SORCS1: variants seen among roughly 807,000 people sequenced by gnomAD.
The protein encoded by SORCS1 is VPS10 domain-containing receptor SorCS1.
In SORCS1, 60 loss-of-function variants were observed where a neutral mutation model predicts 146.1. That is an observed-to-expected ratio of 0.41 (90% CI 0.33 to 0.51). SORCS1 has a LOEUF of 0.51. Ranked by LOEUF, SORCS1 falls within the 20% of genes least tolerant of loss-of-function variation. SORCS1 has a pLI of 0.21. For synonymous variants in SORCS1, 637 were observed against 584.0 expected, an observed-to-expected ratio of 1.09 and a Z score of -1.31; for missense variants, 1,352 against 1,487.6, an observed-to-expected ratio of 0.91 and a Z score of 1.50.
At chr10:106,884,718 C>T (rs574439366) in intron 2 of SORCS1, among the ~76,000 whole-genome samples, 106 of 152,302 alleles carry the variant, frequency 7.0e-4, no homozygotes, top group Non-Finnish European at 1.1e-3. Context: ...ATTAGGAAAA[C>T]TGCCACCCTG....
intron 6 of SORCS1, among the ~76,000 whole-genome samples, 179 bp downstream of exon 6, chr10:106,729,871 C>T (rs1046975564): frequency 6.6e-6 from 1 of 152,124 alleles, no homozygotes; most frequent in Non-Finnish European, 1.5e-5. Context: ...CAGAAGATAC[C>T]TGCACTTTAC....
At chr10:106,945,154 C>T (rs574792194) in intron 2 of SORCS1, among the ~76,000 whole-genome samples, 2 of 152,052 alleles carry the variant, frequency 1.3e-5, no homozygotes, top group East Asian at 3.9e-4. Flanking sequence ...TCCCAAAGTG[C>T]TGGGATTACA....
At chr10:106,605,759 C>A (rs1382173013) in intron 23 of SORCS1, among the ~76,000 whole-genome samples, 1 of 152,142 alleles carries the variant, frequency 6.6e-6, no homozygotes, top group African/African-American at 2.4e-5. Flanking sequence ...TTCAACAGGG[C>A]TTTCCATGAG....
chr10:106,618,072 G>C, intron 21 of SORCS1, 77 bp downstream of exon 21: 1 of 1,575,262 alleles, frequency 6.3e-7, no homozygotes, highest in Admixed American at 1.7e-5. Context: ...GCTGGGGGAT[G>C]GTCTCTGGCA....
chr10:106,965,837 AC>A (rs1423223938), intron 1 of SORCS1, among the ~76,000 whole-genome samples: 2 of 152,214 alleles, frequency 1.3e-5, no homozygotes, highest in Non-Finnish European at 2.9e-5. Context: ...CAGACATGGT[AC>A]TAGTCACAAA....
chr10:106,980,554 T>G (rs550250064), intron 1 of SORCS1, among the ~76,000 whole-genome samples: 1 of 152,206 alleles, frequency 6.6e-6, no homozygotes, highest in East Asian at 1.9e-4. Flanking sequence ...ATTAGGTGAC[T>G]GCAAATCAAT....
intron 1 of SORCS1, among the ~76,000 whole-genome samples, chr10:107,153,451 T>C (rs1189495442): frequency 3.3e-5 from 5 of 152,158 alleles, no homozygotes; most frequent in African/African-American, 1.2e-4. Context: ...CATATATTGT[T>C]TAACTGGGTG....
chr10:106,755,383 G>A (rs113472327), intron 5 of SORCS1, among the ~76,000 whole-genome samples: 71 of 152,288 alleles, frequency 4.7e-4, no homozygotes, highest in African/African-American at 1.7e-3. Context: ...TGTTTCATCA[G>A]AATGGGGATA....
At chr10:106,644,377 T>G (rs1172074921) in intron 18 of SORCS1, among the ~76,000 whole-genome samples, 2 of 151,940 alleles carry the variant, frequency 1.3e-5, no homozygotes, top group South Asian at 2.1e-4. Context: ...TAATTATTAT[T>G]ATTATTGAGA....
At chr10:106,598,119 T>C (rs1177948771) in intron 23 of SORCS1, among the ~76,000 whole-genome samples, 1 of 152,050 alleles carries the variant, frequency 6.6e-6, no homozygotes, top group East Asian at 1.9e-4. Flanking sequence ...AGGTAAGGTT[T>C]TATGGATGAG....
At chr10:106,911,392 C>G (rs1952144402) in intron 2 of SORCS1, among the ~76,000 whole-genome samples, 1 of 152,190 alleles carries the variant, frequency 6.6e-6, no homozygotes, top group South Asian at 2.1e-4. Context: ...CTAACACCAC[C>G]CTCGTGTCCA....
At chr10:106,640,430 T>C (rs1377666591) in intron 18 of SORCS1, among the ~76,000 whole-genome samples, 2 of 152,232 alleles carry the variant, frequency 1.3e-5, no homozygotes, top group Non-Finnish European at 2.9e-5. Context: ...GACAATGAGA[T>C]ACAGATCAAA....
intron 1 of SORCS1, among the ~76,000 whole-genome samples, chr10:107,110,411 C>T (rs185915245): frequency 7.8e-4 from 119 of 152,164 alleles, no homozygotes; most frequent in African/African-American, 2.5e-3. Context: ...GCCCAGCTTC[C>T]GGTGAAGCCT....
At chr10:106,773,728 T>C (rs552710623) in intron 4 of SORCS1, among the ~76,000 whole-genome samples, 19 of 152,152 alleles carry the variant, frequency 1.2e-4, no homozygotes, top group African/African-American at 4.6e-4. Flanking sequence ...GGTGGGTGGA[T>C]CACAAGGTCA....
chr10:106,951,516 A>G (rs954278574), intron 2 of SORCS1, among the ~76,000 whole-genome samples: 4 of 151,538 alleles, frequency 2.6e-5, no homozygotes, highest in Admixed American at 6.6e-5. Context: ...CGTCTCTGAA[A>G]AAAAAAAAAA....
intron 1 of SORCS1, among the ~76,000 whole-genome samples, chr10:107,118,612 A>T (rs1590178797): frequency 6.6e-6 from 1 of 152,346 alleles, no homozygotes; most frequent in Admixed American, 6.5e-5. Flanking sequence ...AAGGATAAAC[A>T]GACCGATGGG....
intron 2 of SORCS1, among the ~76,000 whole-genome samples, chr10:106,880,405 G>A (rs1489055377): frequency 6.6e-6 from 1 of 152,110 alleles, no homozygotes; most frequent in Non-Finnish European, 1.5e-5. Flanking sequence ...TTTTTCAGTT[G>A]AAGAGTTCCT....
intron 6 of SORCS1, among the ~76,000 whole-genome samples, chr10:106,710,745 C>T (rs1012557251): frequency 1.3e-5 from 2 of 152,116 alleles, no homozygotes; most frequent in Non-Finnish European, 1.5e-5. Flanking sequence ...CCATGCCAAC[C>T]CTCCAACCTC....
intron 2 of SORCS1, among the ~76,000 whole-genome samples, chr10:106,894,263 A>ACATGTG (rs1951368717): frequency 4.5e-5 from 5 of 111,428 alleles, no homozygotes; most frequent in African/African-American, 1.7e-4. Context: ...GCGCGCGCGC[A>ACATGTG]CGTGTGCGTG....
Sources: allele counts gnomAD v4.1 joint callset (sites outside exome capture counted in the v4.1 genomes callset), GRCh38; gene constraint gnomAD v4.1.1; transcripts MANE v1.5; gene names NCBI Gene and HGNC (gene_info 2026-07-23, HGNC 2026-07-21).